The following EYA4 variants were observed in gnomAD, a reference collection of about 807,000 sequenced individuals.
The protein encoded by EYA4 is protein phosphatase EYA4.
EYA4 carries 31 observed loss-of-function variants against 87.9 expected under a neutral mutation model. The ratio of observed to expected loss-of-function variants is 0.35; its 90% confidence interval spans 0.27 to 0.48. The LOEUF (loss-of-function observed/expected upper bound fraction) is 0.48. EYA4 is among the 20% of genes least tolerant of loss of function. The pLI is 0.99. For synonymous variants in EYA4, 263 were observed against 270.6 expected, an observed-to-expected ratio of 0.97 and a Z score of 0.28; for missense variants, 678 against 761.4, an observed-to-expected ratio of 0.89 and a Z score of 1.29.
At position 133,299,955 on chromosome 6, in the gene EYA4, C is replaced by CTATATA. The variant is rs1016744513; in HGVS notation, c.33+25152_33+25157dup. Among the ~76,000 whole-genome samples the CTATATA allele has an allele frequency of 1.9e-4, 20 of 106,234 alleles. 1 individual carries two copies. The highest frequency in any genetic ancestry group is 6.4e-4 in the African/African-American group (19 of 29,580). 69.7% of individuals were successfully genotyped at this position (106,234 alleles called of 152,430 possible). On this transcript the variant is annotated intron_variant, in intron 2 of 19. Transcript: ENST00000355286. ...TCTATCTATCTATCTATCTATCTAT[C>CTATATA]TATATATATATATATCTTTTGACTA...
chr6:133,515,751 G>A (rs1322220789), intron 17 of EYA4, among the ~76,000 whole-genome samples: 3 of 151,890 alleles, frequency 2.0e-5, no homozygotes, highest in Non-Finnish European at 4.4e-5. Context: ...CCCACAGAAT[G>A]GTTACATGAC....
intron 2 of EYA4, among the ~76,000 whole-genome samples, chr6:133,351,555 C>T (rs748862106): frequency 1.1e-4 from 17 of 152,188 alleles, no homozygotes; most frequent in Non-Finnish European, 1.9e-4. Context: ...CCTCCCGCAT[C>T]ACAGTCCAGA....
intron 5 of EYA4, chr6:133,453,063 C>T (rs1251643902): frequency 6.6e-6 from 1 of 151,916 alleles, no homozygotes; most frequent in Non-Finnish European, 1.5e-5. Flanking sequence ...ATTAAAAGCC[C>T]CATTTAAACT....
chr6:133,355,723 G>A (rs1783967286), intron 2 of EYA4, among the ~76,000 whole-genome samples: 1 of 152,160 alleles, frequency 6.6e-6, no homozygotes, highest in Non-Finnish European at 1.5e-5. Flanking sequence ...AGCTTCTTGT[G>A]TTGAAAAATC....
At chr6:133,391,281 G>A (rs1787271433) in intron 3 of EYA4, among the ~76,000 whole-genome samples, 1 of 149,278 alleles carries the variant, frequency 6.7e-6, no homozygotes, top group Admixed American at 6.7e-5. Context: ...GAGGGCTGGA[G>A]TGCAATGGCA....
intron 2 of EYA4, among the ~76,000 whole-genome samples, chr6:133,329,794 A>G (rs576028151): frequency 6.6e-6 from 1 of 152,142 alleles, no homozygotes; most frequent in African/African-American, 2.4e-5. Context: ...ATACTCACAT[A>G]TAAATTGGCA....
rs995064139 is a variant in EYA4 at position 133,531,272 on chromosome 6, A to C, written c.*2467A>C. The stretch of plus-strand genomic sequence containing the variant: ...GGAGAACAGCTTGTCTGGCACAACA[A>C]TGGTGCAGGCCCACGAGCCAGCATC... On this transcript the variant is annotated 3_prime_UTR_variant, in exon 20 of 20. Coordinates refer to ENST00000355286, the MANE Select transcript of EYA4 (RefSeq NM_004100.5). 2.1e-6 allele frequency: 3 copies of C among 1,422,608 alleles called. No individual in the cohort carries two copies. The African/African-American group carries it at 4.2e-5, about 20-fold the overall frequency. The allele number at this position is 1,422,608 out of a possible 1,614,324, so 88.1% of individuals were successfully genotyped here. A position where few individuals can be genotyped will look rare whatever the true frequency, so the allele number is the denominator to read the frequency against.
Position 133,530,228 on chromosome 6 carries a change from G to T in EYA4, c.*1423G>T. The T allele has an allele frequency of 1.0e-6, 1 of 985,378 alleles. No homozygotes were observed. The highest frequency in any genetic ancestry group is 1.2e-6 in the Non-Finnish European group (1 of 829,922). 61.0% of individuals were successfully genotyped at this position (985,378 alleles called of 1,614,324 possible). A position where few individuals can be genotyped will look rare whatever the true frequency, so the allele number is the denominator to read the frequency against. On this transcript the variant is annotated 3_prime_UTR_variant, in exon 20 of 20. Transcript: ENST00000355286. The stretch of plus-strand genomic sequence containing the variant: ...TCTCCATCTGAATACATCAATGCAG[G>T]TTCTCCTCGTAACAGACTTGCATAT...
chr6:133,426,274 T>C (rs753369236), intron 3 of EYA4, among the ~76,000 whole-genome samples: 3 of 152,342 alleles, frequency 2.0e-5, no homozygotes, highest in Non-Finnish European at 2.9e-5. Context: ...AGTTACCTAA[T>C]AGGTACTCGG....
At chr6:133,343,964 C>CATT (rs143192676) in intron 2 of EYA4, among the ~76,000 whole-genome samples, 22,628 of 151,910 alleles carry the variant, frequency 0.15, 1,770 homozygotes, top group East Asian at 0.35. Flanking sequence ...ATTTGATAGC[C>CATT]ATTTATCAAT....
At chr6:133,362,457 C>T (rs373093992) in intron 2 of EYA4, among the ~76,000 whole-genome samples, 8 of 151,844 alleles carry the variant, frequency 5.3e-5, no homozygotes, top group East Asian at 1.9e-4. Context: ...CCTGTTGCCT[C>T]GCAAAACTCT....
intron 3 of EYA4, among the ~76,000 whole-genome samples, chr6:133,409,952 C>T (rs1338182125): frequency 6.6e-6 from 1 of 151,946 alleles, no homozygotes; most frequent in Non-Finnish European, 1.5e-5. Flanking sequence ...TATATGTCCT[C>T]CCCCCATATA....
intron 6 of EYA4, 61 bp from the exon 7 acceptor site, chr6:133,461,053 A>G: frequency 9.4e-7 from 1 of 1,058,614 alleles, no homozygotes; most frequent in Non-Finnish European, 1.5e-6. Context: ...GGTTATGTAC[A>G]CTCTAGTGAA....
chr6:133,387,010 C>T (rs1786809349), intron 3 of EYA4, among the ~76,000 whole-genome samples: 1 of 152,074 alleles, frequency 6.6e-6, no homozygotes, highest in African/African-American at 2.4e-5. Flanking sequence ...TCTTTACTAA[C>T]TTTCCAATTA....
At chr6:133,407,251 G>GTT (rs55910301) in intron 3 of EYA4, among the ~76,000 whole-genome samples, 134 of 130,808 alleles carry the variant, frequency 1.0e-3, no homozygotes, top group Middle Eastern at 4.6e-3. Context: ...GGAGTCTAGG[G>GTT]TTTTTTTTTT....
chr6:133,265,982 A>C (rs1776189590), intron 1 of EYA4, among the ~76,000 whole-genome samples: 1 of 152,228 alleles, frequency 6.6e-6, no homozygotes, highest in Non-Finnish European at 1.5e-5. Flanking sequence ...TTTAATTCTT[A>C]CATATGCTTT....
At chr6:133,394,284 GTTTT>G (rs869103311) in intron 3 of EYA4, among the ~76,000 whole-genome samples, 75 of 17,792 alleles carry the variant, frequency 4.2e-3, no homozygotes, top group African/African-American at 0.011. Flanking sequence ...ATAAGCTTGT[GTTTT>G]TTTTTTTTTT....
Position 133,261,349 on chromosome 6 carries a change from A to G in EYA4, c.-65-13367A>G, listed in dbSNP as rs145949924. ...ACCAATTGTCTTAATTGTATTTTGT[A>G]CTTATTCTCCTGCTTTTGCCAACTT... On this transcript the variant is annotated intron_variant, in intron 1 of 19. Coordinates refer to ENST00000355286, the MANE Select transcript of EYA4 (RefSeq NM_004100.5). 5.1e-3 allele frequency among the ~76,000 whole-genome samples: 771 copies of G among 152,318 alleles called. 4 individuals carry two copies. The highest frequency in any genetic ancestry group is 0.016 in the African/African-American group (679 of 41,580).
intron 3 of EYA4, among the ~76,000 whole-genome samples, chr6:133,402,910 C>G (rs1233777335): frequency 5.3e-5 from 8 of 152,170 alleles, no homozygotes; most frequent in Admixed American, 3.3e-4. Context: ...TCTGATGTTT[C>G]CATGAATTGT....
Sources: gnomAD v4.1 joint callset for allele counts (sites outside exome capture counted in the v4.1 genomes callset) on GRCh38, gnomAD v4.1.1 for gene constraint, MANE v1.5 for transcripts, NCBI Gene and HGNC (gene_info 2026-07-23, HGNC 2026-07-21) for gene names.